Variants in ELAPOR2 observed in about 807,000 individuals in gnomAD.
The protein encoded by ELAPOR2 is endosome-lysosome associated apoptosis and autophagy regulator family member 2.
ELAPOR2 carries 89 observed loss-of-function variants against 120.7 expected under a neutral mutation model. The observed-to-expected ratio is 0.74, with a 90% CI of 0.62 to 0.88. The LOEUF (loss-of-function observed/expected upper bound fraction) is 0.88, where lower values mean the gene tolerates loss of function less well. Among genes scored for constraint, ELAPOR2 ranks in the 40% least tolerant of loss-of-function variants. The pLI, the probability that ELAPOR2 is intolerant of heterozygous loss-of-function variation, is 0.00. For synonymous variants in ELAPOR2, 444 were observed against 444.9 expected, an observed-to-expected ratio of 1.00 and a Z score of 0.03; for missense variants, 1,134 against 1,251.6, an observed-to-expected ratio of 0.91 and a Z score of 1.42.
chr7:87,054,285 A>G (rs561202534), intron 1 of ELAPOR2, among the ~76,000 whole-genome samples: 1 of 152,326 alleles, frequency 6.6e-6, no homozygotes, highest in Non-Finnish European at 1.5e-5. Context: ...GTGCCACTCT[A>G]TACTATGCTC....
chr7:86,994,319 T>C (rs1033906864), intron 1 of ELAPOR2, among the ~76,000 whole-genome samples: 9 of 152,186 alleles, frequency 5.9e-5, no homozygotes, highest in African/African-American at 2.2e-4. Context: ...AGTCTCTTGA[T>C]TTAGGAGGTA....
intron 12 of ELAPOR2, among the ~76,000 whole-genome samples, chr7:86,916,410 G>A (rs1789571665): frequency 6.6e-6 from 1 of 152,116 alleles, no homozygotes. Context: ...TCAACACATA[G>A]GGAATGAAAA....
chr7:86,912,796 G>A (rs574865710), intron 14 of ELAPOR2, 145 bp downstream of exon 14: 1 of 917,558 alleles, frequency 1.1e-6, no homozygotes, highest in Non-Finnish European at 1.6e-6. Flanking sequence ...ACGCAAGAAG[G>A]GAGAAAACAG....
intron 1 of ELAPOR2, among the ~76,000 whole-genome samples, chr7:87,018,820 T>C (rs1038013792): frequency 2.6e-5 from 4 of 152,254 alleles, no homozygotes; most frequent in African/African-American, 9.6e-5. Flanking sequence ...CTTAGTGTAC[T>C]AGTAGCCTTG....
intron 1 of ELAPOR2, among the ~76,000 whole-genome samples, chr7:87,037,815 TGACTGAGATGTG>T (rs1027133955): frequency 6.6e-6 from 1 of 152,244 alleles, no homozygotes; most frequent in African/African-American, 2.4e-5. Context: ...TTATTTTCTT[TGACTGAGATGTG>T]GTGGTCTCTG....
Position 86,996,343 on chromosome 7 carries a change from G to A in ELAPOR2, c.190-31319C>T, listed in dbSNP as rs377474291. ...ATAGAGGAGAAATGGACCAACAGGA[G>A]GAGAAGCCAGCCACAGAGAGAAGGA... On this transcript the variant is annotated intron_variant, in intron 1 of 21. Transcript: ENST00000450689. Among the ~76,000 whole-genome samples the A allele has an allele frequency of 1.2e-4, 19 of 152,170 alleles. No individual in the cohort carries two copies. In the East Asian group the frequency reaches 1.6e-3, roughly 12 times the overall value.
In ELAPOR2 at chr7:86,937,558, T is replaced by C. The variant is rs774440834; in HGVS notation, c.1089+568A>G. Among the ~76,000 whole-genome samples, 101 of 152,116 alleles carry C rather than the reference T, an allele frequency of 6.6e-4. 1 individual carries two copies. Among genetic ancestry groups the C allele is most frequent in the Non-Finnish European group, 1.3e-3 (87 of 67,996 alleles). On this transcript the variant is annotated intron_variant, in intron 8 of 21. Transcript: ENST00000450689. ...CATTTTTCCTCTGGCTATGTGCCATTTATATGGTACTTACTTGCATTTTCT... is the reference window on the plus strand; with the variant it reads ...CATTTTTCCTCTGGCTATGTGCCATCTATATGGTACTTACTTGCATTTTCT...
chr7:86,880,525 T>G lies in ELAPOR2; in HGVS notation c.3036A>C (p.Lys1012Asn). 1 of 1,597,626 alleles carries G rather than the reference T, an allele frequency of 6.3e-7. No individual in the cohort carries two copies. Among genetic ancestry groups the G allele is most frequent in the Non-Finnish European group, 8.6e-7 (1 of 1,165,958 alleles). Residue 1012 changes from lysine (K) to asparagine (N), a missense_variant, in exon 22 of 22, where the codon AAA becomes AAC. Coordinates refer to ENST00000450689, the MANE Select transcript of ELAPOR2 (RefSeq NM_001142749.3). Reference protein sequence around the residue: ...GKLKSLATKEKEDHFESVQLK... With the variant: ...GKLKSLATKENEDHFESVQLK... ...GTTGAACAGATTCAAAATGGTCTTC[T>G]TTTTCCTAAGAAAAAATATTAAAGA...
chr7:86,918,249 T>C (rs1173783810), intron 12 of ELAPOR2, among the ~76,000 whole-genome samples, 193 bp downstream of exon 12: 1 of 151,108 alleles, frequency 6.6e-6, no homozygotes, highest in African/African-American at 2.4e-5. Flanking sequence ...ACACTTTATT[T>C]GTGGACTTCA....
intron 2 of ELAPOR2, among the ~76,000 whole-genome samples, chr7:86,952,887 G>C (rs1217304299): frequency 6.6e-6 from 1 of 151,994 alleles, no homozygotes; most frequent in Non-Finnish European, 1.5e-5. Context: ...TTGAGGTCAG[G>C]AGTTTGAGAC....
At chr7:87,038,639 T>G (rs1306946425) in intron 1 of ELAPOR2, among the ~76,000 whole-genome samples, 2 of 152,122 alleles carry the variant, frequency 1.3e-5, no homozygotes, top group Admixed American at 6.5e-5. Flanking sequence ...AGAGCAATTT[T>G]GGAAACTATA....
At chr7:86,905,149 G>GAAGAGAGA (rs1361935441) in intron 18 of ELAPOR2, among the ~76,000 whole-genome samples, 1 of 143,770 alleles carries the variant, frequency 7.0e-6, no homozygotes, top group African/African-American at 2.6e-5. Flanking sequence ...AGAAAAGAAA[G>GAAGAGAGA]AAGAGAGAAA....
chr7:87,045,999 T>C (rs1313346680), intron 1 of ELAPOR2, among the ~76,000 whole-genome samples: 1 of 152,028 alleles, frequency 6.6e-6, no homozygotes, highest in Admixed American at 6.6e-5. Context: ...CAAATTGGAA[T>C]AGAAGAAGTC....
chr7:86,926,818 C>T lies in ELAPOR2; in HGVS notation c.1188G>A (p.Pro396=), dbSNP rs751388859. 6 of 1,608,038 alleles carry T rather than the reference C, an allele frequency of 3.7e-6. No homozygotes were observed. The highest frequency in any genetic ancestry group is 1.1e-5 in the South Asian group (1 of 90,796). The change falls in exon 9 of 22, where the codon CCG becomes CCA. Residue 396 remains proline, a synonymous_variant. Transcript: ENST00000450689. Reference sequence around the variant, plus strand: ...TGTTATAAAATCCAGGGTTGCAAGGCGGACAATCCTTCTTCTCTCCAGAAG... The same window carrying T: ...TGTTATAAAATCCAGGGTTGCAAGGTGGACAATCCTTCTTCTCTCCAGAAG... ...LPPSGEKKDC[P]PCNPGFYNNG...
intron 1 of ELAPOR2, among the ~76,000 whole-genome samples, chr7:87,042,839 AT>A (rs1338116708): frequency 6.6e-6 from 1 of 152,196 alleles, no homozygotes; most frequent in African/African-American, 2.4e-5. Flanking sequence ...TTTTGAAAGG[AT>A]CAACAAAATT....
intron 1 of ELAPOR2, among the ~76,000 whole-genome samples, chr7:87,024,207 A>G (rs1417116881): frequency 2.6e-5 from 4 of 152,152 alleles, no homozygotes; most frequent in Non-Finnish European, 5.9e-5. Flanking sequence ...AGTTTGTCGT[A>G]GATAGCTCTC....
Position 86,926,918 on chromosome 7 carries a change from TACAAAA to T in ELAPOR2, c.1090-8_1090-3del. 2 of 624,366 alleles carry T rather than the reference TACAAAA, an allele frequency of 3.2e-6. No homozygotes were observed. The highest frequency in any genetic ancestry group is 4.0e-6 in the Non-Finnish European group (2 of 497,886). 38.7% of individuals were successfully genotyped at this position (624,366 alleles called of 1,614,324 possible). A position where few individuals can be genotyped will look rare whatever the true frequency, so the allele number is the denominator to read the frequency against. On this transcript the variant is annotated splice_polypyrimidine_tract_variant and splice_region_variant and intron_variant, in intron 8 of 21. Transcript: ENST00000450689. ...TATCCACTTGTACATTATCTGTGTC[TACAAAA>T]AAAAAAAAAAAAAAAAAGCAACCAA...
chr7:87,047,133 A>G (rs532958250), intron 1 of ELAPOR2, among the ~76,000 whole-genome samples: 3 of 152,362 alleles, frequency 2.0e-5, no homozygotes, highest in African/African-American at 7.2e-5. Context: ...CTAGACATCC[A>G]TATGCACAAG....
intron 1 of ELAPOR2, among the ~76,000 whole-genome samples, chr7:87,038,503 C>T (rs562143786): frequency 2.1e-4 from 32 of 152,158 alleles, no homozygotes; most frequent in African/African-American, 7.7e-4. Context: ...AAAATATTGA[C>T]CTTCATGAGT....
Sources: gnomAD v4.1 joint callset for allele counts (sites outside exome capture counted in the v4.1 genomes callset) on GRCh38, gnomAD v4.1.1 for gene constraint, MANE v1.5 for transcripts, NCBI Gene and HGNC (gene_info 2026-07-23, HGNC 2026-07-21) for gene names.